The following ANK3 variants were observed in gnomAD, a reference collection of about 807,000 sequenced individuals.
ANK3 encodes ankyrin 3, also known as ankyrin-3.
Under a neutral mutation model 370.9 loss-of-function variants are expected in ANK3, and 57 were observed. The ratio of observed to expected loss-of-function variants is 0.15; its 90% confidence interval spans 0.12 to 0.19. ANK3 has a LOEUF of 0.19. Among genes scored for constraint, ANK3 ranks in the 10% least tolerant of loss-of-function variants. ANK3 has a pLI of 1.00. For synonymous variants in ANK3, 1,929 were observed against 1,946.3 expected, an observed-to-expected ratio of 0.99 and a Z score of 0.23; for missense variants, 4,439 against 5,302.1, an observed-to-expected ratio of 0.84 and a Z score of 5.06.
chr10:60,696,645 CA>C (rs1357903776), intron 1 of ANK3, among the ~76,000 whole-genome samples: 1 of 147,944 alleles, frequency 6.8e-6, no homozygotes, highest in African/African-American at 2.5e-5. Flanking sequence ...GAACCAAAGA[CA>C]AAAACCACAT....
chr10:60,273,879 A>G (rs1302318442), intron 4 of ANK3, among the ~76,000 whole-genome samples: 1 of 152,204 alleles, frequency 6.6e-6, no homozygotes, highest in Admixed American at 6.5e-5. Context: ...GCCTTCCACC[A>G]TGATTGTGAG....
At chr10:60,732,260 C>T (rs1417143765) in intron 1 of ANK3, among the ~76,000 whole-genome samples, 1 of 152,188 alleles carries the variant, frequency 6.6e-6, no homozygotes, top group East Asian at 1.9e-4. Flanking sequence ...TTTGTCTCCC[C>T]AATCCCCCTT....
rs750453912 is a variant in ANK3 at position 60,275,510 on chromosome 10, A to AG, written c.414+3263dup. Among the ~76,000 whole-genome samples, 144 of 152,166 alleles carry AG rather than the reference A, an allele frequency of 9.5e-4. 1 individual carries two copies. Among genetic ancestry groups the AG allele is most frequent in the Non-Finnish European group, 9.6e-4 (65 of 68,024 alleles). ...AGTGCTGTTTTTAACTAAGATGTTAAGGGTATGGTGAAAGATTTGCATTGA... is the reference window on the plus strand; with the variant it reads ...AGTGCTGTTTTTAACTAAGATGTTAAGGGGTATGGTGAAAGATTTGCATTGA... On this transcript the variant is annotated intron_variant, in intron 4 of 43. Coordinates refer to ENST00000280772, the MANE Select transcript of ANK3 (RefSeq NM_020987.5).
rs1171134324 is a variant in ANK3 at position 60,073,272 on chromosome 10, C to G, written c.7609G>C (p.Asp2537His). ...VGKVSKDEHF[D>H]KVTVLHYSGN... is the part of the protein sequence containing the mutation. ...GAATAGTGCAACACTGTCACTTTATCAAAATGCTCATCTTTAGACACTTTA... is the reference window on the plus strand; with the variant it reads ...GAATAGTGCAACACTGTCACTTTATGAAAATGCTCATCTTTAGACACTTTA... The change falls in exon 37 of 44, where the codon GAT (aspartate) becomes CAT (histidine). Residue 2537 changes from aspartate to histidine, a missense_variant. Around this residue, in one of 13 missense-constraint regions of ANK3, gnomAD observed 1,601 missense variants for 1,731.7 expected, o/e 0.92. Coordinates refer to ENST00000280772, the MANE Select transcript of ANK3 (RefSeq NM_020987.5). 6.2e-7 allele frequency: 1 copy of G among 1,614,056 alleles called. No homozygotes were observed. The highest frequency in any genetic ancestry group is 1.3e-5 in the African/African-American group (1 of 75,024).
intron 1 of ANK3, among the ~76,000 whole-genome samples, chr10:60,383,818 GT>G (rs1037571032): frequency 1.3e-5 from 2 of 152,164 alleles, no homozygotes; most frequent in African/African-American, 4.8e-5. Flanking sequence ...ATCTTAGGGT[GT>G]CAGAGATACC....
chr10:60,531,760 G>A (rs771338228), intron 2 of ANK3, among the ~76,000 whole-genome samples: 10 of 152,102 alleles, frequency 6.6e-5, no homozygotes, highest in Non-Finnish European at 1.2e-4. Context: ...TCAGAAGTTC[G>A]TATTGCAGTT....
chr10:60,101,787 C>T (rs1211445278), intron 28 of ANK3, among the ~76,000 whole-genome samples: 1 of 152,148 alleles, frequency 6.6e-6, no homozygotes, highest in Non-Finnish European at 1.5e-5. Flanking sequence ...CCTTATTTTG[C>T]AGCTACAGTT....
chr10:60,468,995 G>GTATATATATATATATATATATATA (rs1464396090), intron 2 of ANK3, among the ~76,000 whole-genome samples: 1 of 34,558 alleles, frequency 2.9e-5, no homozygotes, highest in African/African-American at 1.1e-4. Context: ...CACTTTTAGT[G>GTATATATATATATATATATATATA]TGTATATATA....
chr10:60,560,849 T>A (rs2077319525), intron 2 of ANK3, among the ~76,000 whole-genome samples: 1 of 152,216 alleles, frequency 6.6e-6, no homozygotes, highest in Non-Finnish European at 1.5e-5. Flanking sequence ...TAATTACCTG[T>A]AATTATACAT....
chr10:60,079,225 A>ACACACACACACACACAC (rs376356885), intron 36 of ANK3, among the ~76,000 whole-genome samples: 2 of 142,648 alleles, frequency 1.4e-5, no homozygotes, highest in African/African-American at 2.7e-5. Context: ...ACACACACAC[A>ACACACACACACACACAC]CCCCTCTTCT....
intron 2 of ANK3, among the ~76,000 whole-genome samples, chr10:60,514,230 G>A (rs1410934941): frequency 6.6e-6 from 1 of 152,154 alleles, no homozygotes; most frequent in Admixed American, 6.5e-5. Flanking sequence ...TTTTGGGGAA[G>A]TCAAATTATA....
intron 43 of ANK3, among the ~76,000 whole-genome samples, chr10:60,041,215 G>A (rs151188075): frequency 2.1e-4 from 32 of 152,308 alleles, no homozygotes; most frequent in Admixed American, 5.9e-4. Context: ...AGCGAGTGAT[G>A]CAGAACATAT....
At chr10:60,226,270 A>G (rs2097139118) in intron 8 of ANK3, among the ~76,000 whole-genome samples, 1 of 105,316 alleles carries the variant, frequency 9.5e-6, no homozygotes, top group South Asian at 2.8e-4. Context: ...AATACTATAT[A>G]TACTATGTAT....
At chr10:60,579,739 A>C (rs2077726386) in intron 2 of ANK3, among the ~76,000 whole-genome samples, 1 of 152,200 alleles carries the variant, frequency 6.6e-6, no homozygotes, top group Admixed American at 6.5e-5. Context: ...TTCTCCAACC[A>C]AATAACTGAG....
At position 60,117,449 on chromosome 10, in the gene ANK3, T is replaced by C. The variant is rs147646787; in HGVS notation, c.2842-3118A>G. ...GTACAACTGGGGGAGAGTTTTGGGG[T>C]TGGACTATTGATATGCACAGAGGAC... On this transcript the variant is annotated intron_variant, in intron 25 of 43. Transcript: ENST00000280772. Among the ~76,000 whole-genome samples, 672 of 152,104 alleles carry C rather than the reference T, an allele frequency of 4.4e-3. 2 individuals carry two copies. The highest frequency in any genetic ancestry group is 0.01 in the Middle Eastern group (3 of 294).
rs80353085 is a variant in ANK3 at position 60,288,610 on chromosome 10, T to A, written c.115-8971A>T. Among the ~76,000 whole-genome samples, 9 of 152,072 alleles carry A rather than the reference T, an allele frequency of 5.9e-5. No individual in the cohort carries two copies. In the East Asian group the frequency reaches 1.7e-3, roughly 29 times the overall value. ...CCAGAAAGGTTTGAGGAATTGTGAA[T>A]AGACAGTCTCTATGCAAAGGGGATT... On this transcript the variant is annotated intron_variant, in intron 1 of 43. Coordinates refer to ENST00000280772, the MANE Select transcript of ANK3 (RefSeq NM_020987.5).
At position 60,027,800 on chromosome 10, in the gene ANK3, A is replaced by T. The variant is rs997256749; in HGVS notation, c.*2046T>A. The T allele has an allele frequency of 6.6e-6, 1 of 152,204 alleles. No homozygotes were observed. The highest frequency in any genetic ancestry group is 6.5e-5 in the Admixed American group (1 of 15,284). The allele number at this position is 152,204 out of a possible 1,614,324, so 9.4% of individuals were successfully genotyped here. On this transcript the variant is annotated 3_prime_UTR_variant, in exon 44 of 44. Coordinates refer to ENST00000280772, the MANE Select transcript of ANK3 (RefSeq NM_020987.5). Reference sequence around the variant, plus strand: ...GCCTCAGTAGAATTTAGATTCACGCAGTGTATGGGTTGCAAATTCACAGTC... The same window carrying T: ...GCCTCAGTAGAATTTAGATTCACGCTGTGTATGGGTTGCAAATTCACAGTC...
At chr10:60,549,221 C>T (rs2077037918) in intron 2 of ANK3, among the ~76,000 whole-genome samples, 1 of 151,618 alleles carries the variant, frequency 6.6e-6, no homozygotes, top group Admixed American at 6.6e-5. Context: ...CATGGTTTTC[C>T]AGGAAATGTT....
At chr10:60,310,707 C>T (rs1163092219) in intron 1 of ANK3, among the ~76,000 whole-genome samples, 1 of 152,172 alleles carries the variant, frequency 6.6e-6, no homozygotes, top group African/African-American at 2.4e-5. Context: ...AAGTAACTCC[C>T]AATGTCTAAA....
Sources: gnomAD v4.1 joint callset for allele counts (sites outside exome capture counted in the v4.1 genomes callset) on GRCh38, gnomAD v4.1.1 for gene constraint, gnomAD v4.1.1 regional missense constraint, MANE v1.5 for transcripts, NCBI Gene and HGNC (gene_info 2026-07-23, HGNC 2026-07-21) for gene names.